TXNRD1: variants seen among roughly 807,000 people sequenced by gnomAD.
TXNRD1 encodes thioredoxin reductase 1.
Under a neutral mutation model 80.3 loss-of-function variants are expected in TXNRD1, and 57 were observed. That is an observed-to-expected ratio of 0.71 (90% confidence interval 0.57 to 0.89). The LOEUF (loss-of-function observed/expected upper bound fraction) is 0.89. Among genes scored for constraint, TXNRD1 ranks in the 40% least tolerant of loss-of-function variants. TXNRD1 has a pLI of 0.00. For missense variants in TXNRD1, 730 were observed against 803.0 expected (o/e 0.91, Z 1.10); for synonymous variants, 291 against 285.2 (o/e 1.02, Z -0.20).
At chr12:104,268,096 C>T (rs2033573517) in intron 3 of TXNRD1, among the ~76,000 whole-genome samples, 1 of 151,774 alleles carries the variant, frequency 6.6e-6, no homozygotes, top group Admixed American at 6.6e-5. Flanking sequence ...GGTAATCCAC[C>T]TACCTACCTT....
At chr12:104,289,221 C>G in intron 4 of TXNRD1, 181 bp downstream of exon 4, 1 of 531,100 alleles carries the variant, frequency 1.9e-6, no homozygotes, top group Non-Finnish European at 3.2e-6. Context: ...AGACGTTGGA[C>G]AAATTTCACA....
At chr12:104,241,406 T>C (rs1033258173) in intron 1 of TXNRD1, among the ~76,000 whole-genome samples, 2 of 151,016 alleles carry the variant, frequency 1.3e-5, no homozygotes, top group East Asian at 3.9e-4. Flanking sequence ...AGTTTTGCTG[T>C]TGTTGCCCAG....
chr12:104,228,195 G>A (rs7966740), intron 1 of TXNRD1, among the ~76,000 whole-genome samples: 47,165 of 151,116 alleles, frequency 0.31, 7,873 homozygotes, highest in East Asian at 0.57. Context: ...CCAGCTACTC[G>A]GGAGGCTGAG....
intron 3 of TXNRD1, among the ~76,000 whole-genome samples, chr12:104,266,524 CAAAAAAA>C (rs60829935): frequency 9.0e-6 from 1 of 111,496 alleles, no homozygotes; most frequent in East Asian, 3.0e-4. Flanking sequence ...GAATTCATCT[CAAAAAAA>C]AAAAAAAAAA....
chr12:104,319,686 ATTTCTTTGCC>A (rs2035461878), intron 9 of TXNRD1, 101 bp downstream of exon 9: 1 of 875,216 alleles, frequency 1.1e-6, no homozygotes, highest in African/African-American at 1.7e-5. Flanking sequence ...CTTCAGACAG[ATTTCTTTGCC>A]ACATTGTGCC....
intron 4 of TXNRD1, among the ~76,000 whole-genome samples, chr12:104,302,171 T>C (rs1247420956): frequency 6.6e-6 from 1 of 152,204 alleles, no homozygotes; most frequent in Non-Finnish European, 1.5e-5. Flanking sequence ...TCTCCCTGAA[T>C]TACCCCTAGT....
chr12:104,220,584 G>T (rs1222706225), intron 1 of TXNRD1, among the ~76,000 whole-genome samples: 1 of 152,044 alleles, frequency 6.6e-6, no homozygotes, highest in African/African-American at 2.4e-5. Flanking sequence ...AATTAGCTGG[G>T]CGTGGTAGCA....
At chr12:104,311,174 C>T in intron 4 of TXNRD1, 116 bp from the exon 5 acceptor site, 1 of 1,173,666 alleles carries the variant, frequency 8.5e-7, no homozygotes, top group Non-Finnish European at 1.2e-6. Flanking sequence ...AATTAAACAG[C>T]ATCTTCCCTT....
intron 1 of TXNRD1, among the ~76,000 whole-genome samples, chr12:104,232,277 TC>T (rs2135684534): frequency 6.6e-6 from 1 of 152,196 alleles, no homozygotes; most frequent in East Asian, 1.9e-4. Flanking sequence ...AAAGTGACAT[TC>T]TTAGGCTGGC....
chr12:104,242,390 A>G (rs1386935630), intron 1 of TXNRD1, among the ~76,000 whole-genome samples: 1 of 151,824 alleles, frequency 6.6e-6, no homozygotes, highest in African/African-American at 2.4e-5. Flanking sequence ...TGTACTAAAA[A>G]CACAACAATT....
At chr12:104,241,516 A>C (rs1200190451) in intron 1 of TXNRD1, among the ~76,000 whole-genome samples, 1 of 151,642 alleles carries the variant, frequency 6.6e-6, no homozygotes, top group African/African-American at 2.4e-5. Flanking sequence ...GATTATAGGC[A>C]TGTGCCACCA....
At chr12:104,218,615 C>A (rs73392601) in intron 1 of TXNRD1, among the ~76,000 whole-genome samples, 10,372 of 114,858 alleles carry the variant, frequency 0.09, 462 homozygotes, top group African/African-American at 0.14. Context: ...TTTTCTTTTT[C>A]TTTTCTTTCT....
At chr12:104,269,067 G>T (rs1283018986) in intron 3 of TXNRD1, among the ~76,000 whole-genome samples, 1 of 151,250 alleles carries the variant, frequency 6.6e-6, no homozygotes, top group Non-Finnish European at 1.5e-5. Context: ...ACCATGCCTG[G>T]CTAATTTTTG....
intron 4 of TXNRD1, 43 bp from the exon 5 acceptor site, chr12:104,311,247 G>A (rs1288530733): frequency 1.3e-6 from 2 of 1,517,512 alleles, no homozygotes; most frequent in East Asian, 2.4e-5. Flanking sequence ...GGACATTGCT[G>A]ATTTTAAGTT....
intron 1 of TXNRD1, among the ~76,000 whole-genome samples, chr12:104,245,239 C>T (rs952143477): frequency 2.0e-5 from 3 of 151,614 alleles, no homozygotes; most frequent in Admixed American, 6.6e-5. Context: ...AGGCTCGGCG[C>T]GGTGGCTCAC....
In TXNRD1 at chr12:104,331,495, CTT is replaced by C. The variant is rs1415911192; in HGVS notation, c.1543-37_1543-36del. ...GAATACCTTTTTTTTTAAGTTATAACTTTGCCTATTATAACTCCTTACCTCCA... is the reference window on the plus strand; with the variant it reads ...GAATACCTTTTTTTTTAAGTTATAACTGCCTATTATAACTCCTTACCTCCA... On this transcript the variant is annotated intron_variant, in intron 13 of 16. Transcript: ENST00000525566. The C allele has an allele frequency of 1.8e-5, 23 of 1,306,198 alleles. No individual in the cohort carries two copies. In the East Asian group the frequency reaches 5.2e-4, roughly 30 times the overall value. 80.9% of individuals were successfully genotyped at this position (1,306,198 alleles called of 1,614,324 possible).
At chr12:104,324,430 C>T (rs2035682244) in intron 10 of TXNRD1, among the ~76,000 whole-genome samples, 3 of 145,696 alleles carry the variant, frequency 2.1e-5, no homozygotes. Flanking sequence ...TGGCTCACTG[C>T]AAGCTCCGCC....
chr12:104,293,102 ATTC>A (rs1380043896), intron 4 of TXNRD1, among the ~76,000 whole-genome samples: 3 of 152,174 alleles, frequency 2.0e-5, no homozygotes, highest in African/African-American at 7.2e-5. Context: ...AAGTTCCAGT[ATTC>A]TTATAGGGAA....
chr12:104,303,990 G>T, intron 4 of TXNRD1: 1 of 1,608,798 alleles, frequency 6.2e-7, no homozygotes. Context: ...CTCAGCTCTG[G>T]GGAGGCCGAC....
Sources: gnomAD v4.1 joint callset for allele counts (sites outside exome capture counted in the v4.1 genomes callset) on GRCh38, gnomAD v4.1.1 for gene constraint, MANE v1.5 for transcripts, NCBI Gene and HGNC (gene_info 2026-07-23, HGNC 2026-07-21) for gene names.